Variants in SH3BP2 observed in about 807,000 individuals in gnomAD.
SH3BP2 encodes SH3 domain-binding protein 2.
In SH3BP2, 38 loss-of-function variants were observed where a neutral mutation model predicts 56.2. The ratio of observed to expected loss-of-function variants is 0.68; its 90% CI spans 0.52 to 0.89. The LOEUF (loss-of-function observed/expected upper bound fraction) is 0.89. Ranked by LOEUF, SH3BP2 falls within the 40% of genes least tolerant of loss-of-function variation. The probability of loss-of-function intolerance (pLI) is 0.00; values close to 1 mark genes in which losing one functional copy is unlikely to be tolerated. For missense variants in SH3BP2, 748 were observed against 762.6 expected (o/e 0.98, Z 0.23); for synonymous variants, 346 against 316.7 (o/e 1.09, Z -0.98).
intron 3 of SH3BP2, chr4:2,823,422 C>T: frequency 2.2e-6 from 1 of 462,446 alleles, no homozygotes; most frequent in Middle Eastern, 3.6e-4. Flanking sequence ...CAGCCCAGGC[C>T]CTGTCCCAAA....
At chr4:2,813,500 G>T (rs1191122765) in intron 1 of SH3BP2, among the ~76,000 whole-genome samples, 1 of 152,234 alleles carries the variant, frequency 6.6e-6, no homozygotes, top group Non-Finnish European at 1.5e-5. Context: ...TAAAATAGAA[G>T]TAAAGTATTG....
At position 2,832,391 on chromosome 4, in the gene SH3BP2, C is replaced by A; in HGVS notation, c.1467C>A (p.Asn489Lys). The A allele has an allele frequency of 6.2e-7, 1 of 1,614,090 alleles. No homozygotes were observed. The highest frequency in any genetic ancestry group is 2.2e-5 in the East Asian group (1 of 44,886). ...EPQDGLYCIR[N>K]SSTKSGKVLV... ...AGGATGGACTCTACTGCATCCGGAA[C>A]TCCTCTACCAAGTCGGGGAAGGTAG... Residue 489 changes from asparagine to lysine, a missense_variant, in exon 11 of 13, where the codon AAC becomes AAA. Physicochemically the swap from Asn to Lys is moderately conservative, Grantham distance 94. Transcript: ENST00000503393.
Position 2,829,499 on chromosome 4 carries a change from T to C in SH3BP2, c.593T>C (p.Leu198Pro). The C allele has an allele frequency of 6.2e-7, 1 of 1,613,604 alleles. No homozygotes were observed. The highest frequency in any genetic ancestry group is 8.5e-7 in the Non-Finnish European group (1 of 1,179,966). The change falls in exon 8 of 13, where the codon CTG (leucine) becomes CCG (proline). Residue 198 changes from leucine to proline, a missense_variant. By Grantham distance (98) the Leu-to-Pro change is moderately conservative. Around this residue, in one of 3 missense-constraint regions of SH3BP2, gnomAD observed 635 missense variants for 615.0 expected, o/e 1.03. Transcript: ENST00000503393. This position sits in a 1 kb window ranked among gnomAD's most constrained non-coding sequence, Gnocchi z 4.9. ...GGGTCTCTTTGCTCTGCAGATGCCC[T>C]GATGCACCCACCGGCTTACCCACCA... ...SPEPGRLEDALMHPPAYPPPP... is the reference protein window; with the variant it reads ...SPEPGRLEDAPMHPPAYPPPP...
At chr4:2,812,595 C>G in intron 1 of SH3BP2, 1 of 1,326,904 alleles carries the variant, frequency 7.5e-7, no homozygotes, top group Non-Finnish European at 1.0e-6. Flanking sequence ...GCCGTGGGAG[C>G]CCACAGGAGG....
chr4:2,831,694 C>G lies in SH3BP2; in HGVS notation c.1350+15C>G. On this transcript the variant is annotated intron_variant, in intron 9 of 12. Transcript: ENST00000503393. The surrounding 1 kb of genome is among the most constrained non-coding windows in gnomAD (Gnocchi z 4.1). ...ACTATGAGAAGGCAAGGCTGAGCGG[C>G]AAGCCTGGGTCCCAGTGGCCAGTAG... The G allele has an allele frequency of 1.9e-6, 3 of 1,573,158 alleles. No individual in the cohort carries two copies. Among genetic ancestry groups the G allele is most frequent in the Non-Finnish European group, 2.6e-6 (3 of 1,155,740 alleles).
At chr4:2,796,433 A>T (rs1723064079) in intron 1 of SH3BP2, 2 of 985,362 alleles carry the variant, frequency 2.0e-6, no homozygotes, top group Admixed American at 1.2e-4. Flanking sequence ...CCGGCCCCCG[A>T]TCACAGATCG....
At position 2,829,656 on chromosome 4, in the gene SH3BP2, T is replaced by A. The variant is rs231399; in HGVS notation, c.750T>A (p.Ala250=). ...ACGGCCTCCCAGATGTTGGCCTGGC[T>A]GCTGAGGACTCCAAGAGGGACCCAC... ...PKHGLPDVGL[A]AEDSKRDPLC... Residue 250 remains alanine (A), a synonymous_variant, in exon 8 of 13, where the codon GCT becomes GCA. Transcript: ENST00000503393. The surrounding 1 kb of genome is among the most constrained non-coding windows in gnomAD (Gnocchi z 4.9). 72 of 1,612,210 alleles carry A rather than the reference T, an allele frequency of 4.5e-5. No homozygotes were observed. Among genetic ancestry groups the A allele is most frequent in the Admixed American group, 3.5e-4 (21 of 59,934 alleles).
intron 3 of SH3BP2, 149 bp from the exon 4 acceptor site, chr4:2,824,464 T>G: frequency 1.5e-6 from 1 of 676,296 alleles, no homozygotes; most frequent in Non-Finnish European, 2.7e-6. Flanking sequence ...AGCTCACTAC[T>G]GGGAGCATCA....
At chr4:2,799,073 G>A in intron 1 of SH3BP2, 1 of 985,508 alleles carries the variant, frequency 1.0e-6, no homozygotes, top group Non-Finnish European at 1.2e-6. Context: ...TGGCGCTCAG[G>A]GGTGCAGCCT....
intron 1 of SH3BP2, chr4:2,796,526 G>C (rs1457789861): frequency 1.1e-6 from 1 of 933,830 alleles, no homozygotes; most frequent in Non-Finnish European, 1.3e-6. Flanking sequence ...ATCTTTGTCA[G>C]CTGGCCTCTG....
chr4:2,830,498 A>G (rs944870178), intron 8 of SH3BP2, among the ~76,000 whole-genome samples: 5 of 152,162 alleles, frequency 3.3e-5, no homozygotes, highest in Admixed American at 3.3e-4. Flanking sequence ...AGTAGCTGGG[A>G]CTACAGGCAC....
intron 7 of SH3BP2, among the ~76,000 whole-genome samples, chr4:2,828,934 C>G (rs1422263475): frequency 6.6e-6 from 1 of 152,310 alleles, no homozygotes; most frequent in Admixed American, 6.5e-5. Context: ...GGGACTCAGA[C>G]CTCACTCCTC....
At chr4:2,803,247 G>A (rs1432236511) in intron 1 of SH3BP2, among the ~76,000 whole-genome samples, 1 of 152,302 alleles carries the variant, frequency 6.6e-6, no homozygotes, top group East Asian at 1.9e-4. Context: ...CGTTGGCTCT[G>A]GGTGGGAGCA....
chr4:2,824,766 G>A (rs1460611413), intron 4 of SH3BP2, 36 bp downstream of exon 4: 4 of 1,484,760 alleles, frequency 2.7e-6, no homozygotes, highest in Non-Finnish European at 3.8e-6. Context: ...CAAGGTGACT[G>A]GGGGTGTGGG....
At chr4:2,813,502 A>C (rs1477330373) in intron 1 of SH3BP2, among the ~76,000 whole-genome samples, 1 of 152,178 alleles carries the variant, frequency 6.6e-6, no homozygotes, top group Non-Finnish European at 1.5e-5. Flanking sequence ...AAATAGAAGT[A>C]AAGTATTGAG....
intron 1 of SH3BP2, among the ~76,000 whole-genome samples, chr4:2,803,380 C>T (rs114291741): frequency 3.9e-3 from 591 of 152,312 alleles, no homozygotes; most frequent in African/African-American, 0.013. Context: ...CCGGGATAAG[C>T]AGGGTGCTGT....
At chr4:2,793,616 T>A (rs1722968880) in intron 1 of SH3BP2, 1 of 151,770 alleles carries the variant, frequency 6.6e-6, no homozygotes, top group Admixed American at 6.5e-5. Flanking sequence ...GGGGCCCCTT[T>A]ACGCGACCCT....
At chr4:2,833,132 G>A (rs1340436093) in intron 12 of SH3BP2, 83 bp downstream of exon 12, 18 of 1,275,480 alleles carry the variant, frequency 1.4e-5, no homozygotes, top group East Asian at 2.3e-5. Flanking sequence ...TGAGGCATAG[G>A]CAGCGGGTAG....
intron 1 of SH3BP2, among the ~76,000 whole-genome samples, chr4:2,801,123 G>A (rs1162435168): frequency 1.3e-5 from 2 of 152,180 alleles, no homozygotes; most frequent in Non-Finnish European, 1.5e-5. Flanking sequence ...CGGAGGACCG[G>A]GGCCCAGACT....
Sources: allele counts gnomAD v4.1 joint callset (sites outside exome capture counted in the v4.1 genomes callset), GRCh38; gene constraint gnomAD v4.1.1; regional missense constraint gnomAD v4.1.1; non-coding constraint Gnocchi (gnomAD v3.1); transcripts MANE v1.5; gene names NCBI Gene and HGNC (gene_info 2026-07-23, HGNC 2026-07-21).